The following KCNJ8 variants were observed in gnomAD, a reference collection of about 807,000 sequenced individuals.
KCNJ8 encodes potassium inwardly rectifying channel subfamily J member 8.
Under a neutral mutation model 28.2 loss-of-function variants are expected in KCNJ8, and 13 were observed. The ratio of observed to expected loss-of-function variants is 0.46; its 90% CI spans 0.30 to 0.73. The LOEUF (loss-of-function observed/expected upper bound fraction) is 0.73, where lower values mean the gene tolerates loss of function less well. KCNJ8 is among the 30% of genes least tolerant of loss of function. KCNJ8 has a pLI of 0.07. For synonymous variants in KCNJ8, 188 were observed against 195.9 expected (o/e 0.96, Z 0.34); for missense variants, 284 against 542.6 (o/e 0.52, Z 4.73).
rs704173 is a variant in KCNJ8, at chr12:21,769,628, A to G, written c.375-3005T>C. On this transcript the variant is annotated intron_variant, in intron 2 of 2. Coordinates refer to ENST00000240662, the MANE Select transcript of KCNJ8 (RefSeq NM_004982.4). ...CCATCTGGAAAGGATTCACCATTCT[A>G]GATGCCATTAAGAACATTTGTGATT... Among the ~76,000 whole-genome samples, 156 of 152,338 alleles carry G rather than the reference A, an allele frequency of 1.0e-3. 3 individuals are homozygous for G. Among genetic ancestry groups the G allele is most frequent in the African/African-American group, 3.5e-3 (147 of 41,588 alleles).
intron 1 of KCNJ8, 99 bp downstream of exon 1, chr12:21,774,447 C>A (rs1450958025): frequency 6.6e-6 from 1 of 151,784 alleles, no homozygotes; most frequent in East Asian, 1.9e-4. Context: ...AAAGTCCATC[C>A]ATCACTGCAA....
chr12:21,772,213 A>C (rs1348336284), intron 2 of KCNJ8, among the ~76,000 whole-genome samples: 1 of 152,172 alleles, frequency 6.6e-6, no homozygotes, highest in Non-Finnish European at 1.5e-5. Context: ...CATTCTTTAC[A>C]GTTTCCTGGT....
intron 2 of KCNJ8, among the ~76,000 whole-genome samples, chr12:21,767,342 G>C (rs1057304824): frequency 1.7e-5 from 2 of 117,728 alleles, no homozygotes; most frequent in African/African-American, 6.4e-5. Context: ...CCAGGGACCA[G>C]TGCTGGTCCA....
chr12:21,769,812 G>C (rs1940715282), intron 2 of KCNJ8, among the ~76,000 whole-genome samples: 1 of 152,226 alleles, frequency 6.6e-6, no homozygotes, highest in Non-Finnish European at 1.5e-5. Flanking sequence ...GCATTCTGAA[G>C]ATGTGACTGA....
chr12:21,773,946 A>T lies in KCNJ8; in HGVS notation c.-70-260T>A, dbSNP rs1037941020. Among the ~76,000 whole-genome samples, 6 of 152,244 alleles carry T rather than the reference A, an allele frequency of 3.9e-5. No homozygotes were observed. Among genetic ancestry groups the T allele is most frequent in the Non-Finnish European group, 7.3e-5 (5 of 68,044 alleles). The stretch of plus-strand genomic sequence containing the variant: ...GACATAGCCTTAGTTAAACAAAACC[A>T]GGAGCCTTCCGGTAAACAGCAGGCT... On this transcript the variant is annotated intron_variant, in intron 1 of 2. Transcript: ENST00000240662. This position sits in a 1 kb window ranked among gnomAD's most constrained non-coding sequence, Gnocchi z 4.6.
rs1940807096 is a variant in KCNJ8 at position 21,773,413 on chromosome 12, T to C, written c.204A>G (p.Lys68=). ...TAAAGATGACCAGCGTGTGGCGCCA[T>C]TTCAGGTCCACCAAGGTGGTGAAGA... is the stretch of plus-strand genomic sequence containing the variant. The part of the protein sequence containing the change: ...QDIFTTLVDL[K]WRHTLVIFTM... The change falls in exon 2 of 3, where the codon AAA becomes AAG. Residue 68 remains lysine (K), a synonymous_variant. Transcript: ENST00000240662. The surrounding 1 kb of genome is among the most constrained non-coding windows in gnomAD (Gnocchi z 4.6). The C allele has an allele frequency of 1.2e-6, 2 of 1,614,246 alleles. No individual in the cohort carries two copies. The highest frequency in any genetic ancestry group is 2.2e-5 in the South Asian group (2 of 91,088).
At position 21,773,470 on chromosome 12, in the gene KCNJ8, GTT is replaced by G; in HGVS notation, c.145_146del (p.Asn49HisfsTer3). The G allele has an allele frequency of 6.2e-7, 1 of 1,614,272 alleles. No homozygotes were observed. Among genetic ancestry groups the G allele is most frequent in the Non-Finnish European group, 8.5e-7 (1 of 1,180,054 alleles). On this transcript the variant is annotated frameshift_variant, in exon 2 of 3. Coordinates refer to ENST00000240662, the MANE Select transcript of KCNJ8 (RefSeq NM_004982.4). LOFTEE classifies it high-confidence loss of function. The surrounding 1 kb of genome is among the most constrained non-coding windows in gnomAD (Gnocchi z 4.6). ...GTAGAAAGCGTCCTTGCTCACGGAT[GTT>G]CTTATGCGCCAGGTTGCAGGCCCCG... ...KSGACNLAHKNIREQGRFLQD... is the reference protein window; with the variant it reads ...KSGACNLAHKXIREQGRFLQD...
At chr12:21,770,326 G>A (rs1173214234) in intron 2 of KCNJ8, among the ~76,000 whole-genome samples, 2 of 151,918 alleles carry the variant, frequency 1.3e-5, no homozygotes, top group African/African-American at 2.4e-5. Flanking sequence ...AGCCATAATG[G>A]TATTACACAC....
Position 21,773,219 on chromosome 12 carries a change from T to C in KCNJ8, c.374+24A>G, listed in dbSNP as rs1381284944. The C allele has an allele frequency of 6.2e-7, 1 of 1,611,516 alleles. No homozygotes were observed. The highest frequency in any genetic ancestry group is 1.3e-5 in the African/African-American group (1 of 75,060). On this transcript the variant is annotated intron_variant, in intron 2 of 2. Coordinates refer to ENST00000240662, the MANE Select transcript of KCNJ8 (RefSeq NM_004982.4). This position sits in a 1 kb window ranked among gnomAD's most constrained non-coding sequence, Gnocchi z 4.6. ...TTTTTTCTCTACTGTTTTCAACCCC[T>C]GCCTCATCCCACTACATTCTTACCT... is the stretch of plus-strand genomic sequence containing the variant.
chr12:21,772,614 G>A (rs1231339677), intron 2 of KCNJ8, among the ~76,000 whole-genome samples: 1 of 152,070 alleles, frequency 6.6e-6, no homozygotes, highest in Non-Finnish European at 1.5e-5. Flanking sequence ...TGGACTAATT[G>A]TCATTAAAAA....
At position 21,773,848 on chromosome 12, in the gene KCNJ8, C is replaced by A. The variant is rs532630394; in HGVS notation, c.-70-162G>T. Among the ~76,000 whole-genome samples, 55 of 152,268 alleles carry A rather than the reference C, an allele frequency of 3.6e-4. No individual in the cohort carries two copies. The highest frequency in any genetic ancestry group is 1.1e-3 in the African/African-American group (44 of 41,540). On this transcript the variant is annotated intron_variant, in intron 1 of 2. Coordinates refer to ENST00000240662, the MANE Select transcript of KCNJ8 (RefSeq NM_004982.4). This position sits in a 1 kb window ranked among gnomAD's most constrained non-coding sequence, Gnocchi z 4.6. ...CATGAATCTAGCTTGTGCTTGAGTTCTGGGATCTCAGAAAAATTACTTGGT... is the reference window on the plus strand; with the variant it reads ...CATGAATCTAGCTTGTGCTTGAGTTATGGGATCTCAGAAAAATTACTTGGT...
Position 21,773,755 on chromosome 12 carries a change from T to C in KCNJ8, c.-70-69A>G. The C allele has an allele frequency of 8.6e-7, 1 of 1,158,514 alleles. No homozygotes were observed. The highest frequency in any genetic ancestry group is 1.3e-6 in the Non-Finnish European group (1 of 791,906). 71.8% of individuals were successfully genotyped at this position (1,158,514 alleles called of 1,614,324 possible). On this transcript the variant is annotated intron_variant, in intron 1 of 2. Transcript: ENST00000240662. The surrounding 1 kb of genome is among the most constrained non-coding windows in gnomAD (Gnocchi z 4.6). The stretch of plus-strand genomic sequence containing the variant: ...ATCCTCACCTCTTGGGTCCTTGTAT[T>C]CAAGGATATGTCTGTACATGTGCGA...
At chr12:21,772,920 A>T (rs1381179831) in intron 2 of KCNJ8, among the ~76,000 whole-genome samples, 1 of 152,162 alleles carries the variant, frequency 6.6e-6, no homozygotes, top group East Asian at 1.9e-4. Flanking sequence ...TTTCATACTG[A>T]ACTCAATGTG....
chr12:21,772,581 A>G (rs1192717895), intron 2 of KCNJ8, among the ~76,000 whole-genome samples: 6 of 152,240 alleles, frequency 3.9e-5, no homozygotes, highest in African/African-American at 7.2e-5. Flanking sequence ...AATTGCTTCT[A>G]TATAACCCCT....
chr12:21,767,309 C>T (rs902175851), intron 2 of KCNJ8, among the ~76,000 whole-genome samples: 3 of 34,404 alleles, frequency 8.7e-5, no homozygotes, highest in Non-Finnish European at 1.1e-4. Context: ...GGGTCCCCAA[C>T]CCCCCCCCCC....
At position 21,773,408 on chromosome 12, in the gene KCNJ8, C is replaced by T. The variant is rs149972351; in HGVS notation, c.209G>A (p.Arg70His). The change falls in exon 2 of 3, where the codon CGC (arginine) becomes CAC (histidine). Residue 70 changes from arginine to histidine, a missense_variant. By Grantham distance (29) the Arg-to-His change is conservative. Around this residue, in one of 8 missense-constraint regions of KCNJ8, gnomAD observed 9 missense variants for 42.8 expected, o/e 0.21. Transcript: ENST00000240662. The surrounding 1 kb of genome is among the most constrained non-coding windows in gnomAD (Gnocchi z 4.6). ...CATGGTAAAGATGACCAGCGTGTGG[C>T]GCCATTTCAGGTCCACCAAGGTGGT... ...IFTTLVDLKW[R>H]HTLVIFTMSF... The T allele has an allele frequency of 1.2e-6, 2 of 1,614,236 alleles. No homozygotes were observed. The highest frequency in any genetic ancestry group is 1.7e-6 in the Non-Finnish European group (2 of 1,180,042).
At position 21,765,844 on chromosome 12, in the gene KCNJ8, G is replaced by A; in HGVS notation, c.1154C>T (p.Ser385Phe). Residue 385 changes from serine (S) to phenylalanine (F), a missense_variant, in exon 3 of 3, where the codon TCC becomes TTC. Physicochemically the swap from Ser to Phe is radical, Grantham distance 155. Coordinates refer to ENST00000240662, the MANE Select transcript of KCNJ8 (RefSeq NM_004982.4). ...SHQNSLRKRN[S>F]MRRNNSMRRN... ...CCTCATGGAATTGTTTCTTCTCATG[G>A]AGTTGCGCTTCCTCAGAGAATTTTG... 1.2e-6 allele frequency: 2 copies of A among 1,614,092 alleles called. No homozygotes were observed. The highest frequency in any genetic ancestry group is 8.5e-7 in the Non-Finnish European group (1 of 1,179,972).
Position 21,766,691 on chromosome 12 carries a change from G to C in KCNJ8, c.375-68C>G. 1 of 1,311,774 alleles carries C rather than the reference G, an allele frequency of 7.6e-7. No individual in the cohort carries two copies. Among genetic ancestry groups the C allele is most frequent in the Non-Finnish European group, 1.1e-6 (1 of 931,072 alleles). The allele number at this position is 1,311,774 out of a possible 1,614,324, so 81.3% of individuals were successfully genotyped here. ...TTTGAATAATGAAATATGCCAAGCT[G>C]AGCTTTTCATTTTCTTCCACCAAAG... On this transcript the variant is annotated intron_variant, in intron 2 of 2. Coordinates refer to ENST00000240662, the MANE Select transcript of KCNJ8 (RefSeq NM_004982.4). This position sits in a 1 kb window ranked among gnomAD's most constrained non-coding sequence, Gnocchi z 6.5.
At chr12:21,772,710 TAAAG>T (rs1940791079) in intron 2 of KCNJ8, among the ~76,000 whole-genome samples, 1 of 152,246 alleles carries the variant, frequency 6.6e-6, no homozygotes, top group South Asian at 2.1e-4. Flanking sequence ...ATAATCTCGA[TAAAG>T]AAGGGATGAT....
Sources: allele counts gnomAD v4.1 joint callset (sites outside exome capture counted in the v4.1 genomes callset), GRCh38; gene constraint gnomAD v4.1.1; regional missense constraint gnomAD v4.1.1; non-coding constraint Gnocchi (gnomAD v3.1); transcripts MANE v1.5; gene names NCBI Gene and HGNC (gene_info 2026-07-23, HGNC 2026-07-21).